The following ZSCAN31 variants were observed in gnomAD, a reference collection of about 807,000 sequenced individuals.
ZSCAN31 encodes zinc finger and SCAN domain-containing protein 31.
Under a neutral mutation model 22.5 loss-of-function variants are expected in ZSCAN31, and 14 were observed. That is an observed-to-expected ratio of 0.62 (90% CI 0.41 to 0.97). ZSCAN31 has a LOEUF of 0.97. Ranked by LOEUF, ZSCAN31 falls within the 50% of genes least tolerant of loss-of-function variation. The pLI, the probability that ZSCAN31 is intolerant of heterozygous loss-of-function variation, is 0.00. For synonymous variants in ZSCAN31, 168 were observed against 169.8 expected, an observed-to-expected ratio of 0.99 and a Z score of 0.08; for missense variants, 424 against 483.4, an observed-to-expected ratio of 0.88 and a Z score of 1.15.
In ZSCAN31 at chr6:28,329,455, G is replaced by A. The variant is rs748876533; in HGVS notation, c.229C>T (p.Gln77Ter). 3.1e-6 allele frequency: 5 copies of A among 1,614,192 alleles called. No homozygotes were observed. Among genetic ancestry groups the A allele is most frequent in the Non-Finnish European group, 4.2e-6 (5 of 1,180,040 alleles). ...WLRPEIHTKE[Q>*]ILELLVLEQF... is the part of the protein sequence containing the mutation. ...TCCAGCACCAGCAGCTCCAAGATTTGCTCTTTGGTGTGGATTTCTGGCCTT... is the reference window on the plus strand; with the variant it reads ...TCCAGCACCAGCAGCTCCAAGATTTACTCTTTGGTGTGGATTTCTGGCCTT... The change falls in exon 2 of 4, where the codon CAA (glutamine) becomes TAA (stop). Residue 77 changes from glutamine (Q) to a stop codon, truncating the protein, a stop_gained. Transcript: ENST00000344279. LOFTEE classifies it high-confidence loss of function.
chr6:28,339,518 C>T (rs1051301994), upstream of ZSCAN31, among the ~76,000 whole-genome samples: 1 of 152,158 alleles, frequency 6.6e-6, no homozygotes, highest in African/African-American at 2.4e-5. Flanking sequence ...AAACTCCTGA[C>T]CTCAGGTGAT....
chr6:28,343,213 T>C (rs900943195), intron 2 of ZSCAN31, among the ~76,000 whole-genome samples: 3 of 152,156 alleles, frequency 2.0e-5, no homozygotes, highest in Admixed American at 2.0e-4. Flanking sequence ...ATATTGATCA[T>C]TTGGGCTAGG....
At chr6:28,338,673 A>G (rs1483689109), upstream of ZSCAN31, among the ~76,000 whole-genome samples, 1 of 152,214 alleles carries the variant, frequency 6.6e-6, no homozygotes, top group African/African-American at 2.4e-5. Context: ...AACAAAAATC[A>G]GAAAAATAAC....
chr6:28,339,973 A>G (rs76651949), upstream of ZSCAN31, among the ~76,000 whole-genome samples: 1 of 77,288 alleles, frequency 1.3e-5, no homozygotes, highest in Non-Finnish European at 2.4e-5. Context: ...AAATTTTACA[A>G]GCATATGAAC....
chr6:28,326,063 T>C lies in ZSCAN31; in HGVS notation c.*103A>G. ...TCCAAGACGGCCCCATTTAGGGGTC[T>C]GAGGGTCCACAGAATTAGTCCAGTT... On this transcript the variant is annotated 3_prime_UTR_variant, in exon 4 of 4. Transcript: ENST00000344279. 9.0e-7 allele frequency: 1 copy of C among 1,115,542 alleles called. No individual in the cohort carries two copies. The highest frequency in any genetic ancestry group is 1.3e-6 in the Non-Finnish European group (1 of 781,736). The allele number at this position is 1,115,542 out of a possible 1,614,324, so 69.1% of individuals were successfully genotyped here.
At position 28,349,627 on chromosome 6, in the gene ZSCAN31, A is replaced by G. The variant is rs1008161106; in HGVS notation, c.-371+4235T>C. On this transcript the variant is annotated intron_variant, in intron 2 of 7. Transcript: ENST00000396838. The surrounding 1 kb of genome is among the most constrained non-coding windows in gnomAD (Gnocchi z 4.1). Reference sequence around the variant, plus strand: ...CTCACTCTTGTCCCCGTTTTCACTCAGTTTCTGACCGTTCACCTCTCGTAG... The same window carrying G: ...CTCACTCTTGTCCCCGTTTTCACTCGGTTTCTGACCGTTCACCTCTCGTAG... Among the ~76,000 whole-genome samples the G allele has an allele frequency of 6.6e-6, 1 of 152,182 alleles. No individual in the cohort carries two copies. The highest frequency in any genetic ancestry group is 1.5e-5 in the Non-Finnish European group (1 of 68,022).
In ZSCAN31 at chr6:28,325,616, C is replaced by G. The variant is rs1172357104; in HGVS notation, c.*550G>C. The G allele has an allele frequency of 2.0e-5, 3 of 151,520 alleles. No homozygotes were observed. The highest frequency in any genetic ancestry group is 2.9e-5 in the Non-Finnish European group (2 of 67,904). The allele number at this position is 151,520 out of a possible 1,614,324, so 9.4% of individuals were successfully genotyped here. The stretch of plus-strand genomic sequence containing the variant: ...ATTATAGAAGCTATCTATCACATTC[C>G]TAGGGGAGACCATAGCAATGATTTC... On this transcript the variant is annotated 3_prime_UTR_variant, in exon 4 of 4. Transcript: ENST00000344279.
chr6:28,338,025 C>CA (rs1764264193), upstream of ZSCAN31: 1 of 151,612 alleles, frequency 6.6e-6, no homozygotes, highest in Admixed American at 6.6e-5. Context: ...GCTTGAGTGA[C>CA]AGACTGAGAC....
rs1234064173 is a variant in ZSCAN31, at chr6:28,326,675, GTC to G, written c.710_711del (p.Arg237ThrfsTer6). ...TTCCCACATTCATTGCACCTGTGGC[GTC>G]TCTCTCCAGTGGAATGTGCCTGCTG... is the stretch of plus-strand genomic sequence containing the variant. ...EKQQAHSTGE[R>X]RHRCNECGKS... On this transcript the variant is annotated frameshift_variant, in exon 4 of 4. Coordinates refer to ENST00000344279, the MANE Select transcript of ZSCAN31 (RefSeq NM_030899.5). LOFTEE classifies it low-confidence loss of function (END_TRUNC). 1.2e-6 allele frequency: 2 copies of G among 1,614,052 alleles called. No homozygotes were observed. Among genetic ancestry groups the G allele is most frequent in the East Asian group, 2.2e-5 (1 of 44,896 alleles).
upstream of ZSCAN31, chr6:28,355,677 G>T: frequency 6.6e-6 from 1 of 152,308 alleles, no homozygotes; most frequent in Non-Finnish European, 1.5e-5. Flanking sequence ...TTCTAAATCT[G>T]CAAGAGAATC....
At chr6:28,344,762 G>A (rs1468080827) in intron 2 of ZSCAN31, among the ~76,000 whole-genome samples, 1 of 152,082 alleles carries the variant, frequency 6.6e-6, no homozygotes, top group Non-Finnish European at 1.5e-5. Context: ...AGTTATCTTT[G>A]TGGCTACAGG....
rs1445939146 is a variant in ZSCAN31 at position 28,349,816 on chromosome 6, A to G, written c.-371+4046T>C. The G allele has an allele frequency of 6.6e-6, 1 of 152,244 alleles. No individual in the cohort carries two copies. Among genetic ancestry groups the G allele is most frequent in the Non-Finnish European group, 1.5e-5 (1 of 68,042 alleles). 9.4% of individuals were successfully genotyped at this position (152,244 alleles called of 1,614,324 possible). On this transcript the variant is annotated intron_variant, in intron 2 of 7. Transcript: ENST00000396838. This position sits in a 1 kb window ranked among gnomAD's most constrained non-coding sequence, Gnocchi z 4.1. ...CCTTAGTTATAGCTGGAAAAATAAA[A>G]ATTTAAAAGCCTCTTTAATAGCAAA...
At chr6:28,334,817 T>G (rs750297309) in intron 1 of ZSCAN31, among the ~76,000 whole-genome samples, 55 of 152,276 alleles carry the variant, frequency 3.6e-4, no homozygotes, top group Admixed American at 2.1e-3. Context: ...AAACATGAAC[T>G]AGGTGTTAGG....
Position 28,329,516 on chromosome 6 carries a change from A to G in ZSCAN31, c.168T>C (p.Ala56=), listed in dbSNP as rs754475280. 1.2e-6 allele frequency: 2 copies of G among 1,614,158 alleles called. No homozygotes were observed. The highest frequency in any genetic ancestry group is 4.5e-5 in the East Asian group (2 of 44,866). The change falls in exon 2 of 4, where the codon GCT becomes GCC. Residue 56 remains alanine (A), a synonymous_variant. Transcript: ENST00000344279. ...CYQETPGPRE[A]LSRLRELCHQ... is the part of the protein sequence containing the mutation. ...GACAGAGTTCTCGGAGCCGGCTCAG[A>G]GCTTCTCGGGGACCAGGAGTCTCTT...
chr6:28,349,647 T>A lies in ZSCAN31; in HGVS notation c.-371+4215A>T, dbSNP rs1764837664. 6.6e-6 allele frequency among the ~76,000 whole-genome samples: 1 copy of A among 152,216 alleles called. No individual in the cohort carries two copies. Among genetic ancestry groups the A allele is most frequent in the Admixed American group, 6.5e-5 (1 of 15,284 alleles). On this transcript the variant is annotated intron_variant, in intron 2 of 7. Coordinates refer to the ZSCAN31 transcript ENST00000396838. The surrounding 1 kb of genome is among the most constrained non-coding windows in gnomAD (Gnocchi z 4.1). Reference sequence around the variant, plus strand: ...CACTCAGTTTCTGACCGTTCACCTCTCGTAGGTAACCACCATTATTAATTT... The same window carrying A: ...CACTCAGTTTCTGACCGTTCACCTCACGTAGGTAACCACCATTATTAATTT...
chr6:28,332,829 C>G (rs1193355396), intron 1 of ZSCAN31, among the ~76,000 whole-genome samples: 3 of 152,290 alleles, frequency 2.0e-5, no homozygotes, highest in Admixed American at 6.5e-5. Flanking sequence ...CCTGAACATC[C>G]CAACAACAGC....
At chr6:28,355,464 C>A (rs2113905834), upstream of ZSCAN31, 1 of 152,306 alleles carries the variant, frequency 6.6e-6, no homozygotes, top group Non-Finnish European at 1.5e-5. Context: ...AAGTTGGGAC[C>A]AAAAGTCTAC....
chr6:28,339,886 GTAAACACAT>G (rs1764345310), upstream of ZSCAN31, among the ~76,000 whole-genome samples: 2 of 150,566 alleles, frequency 1.3e-5, no homozygotes, highest in East Asian at 3.9e-4. Context: ...TATGAACCAT[GTAAACACAT>G]TGCTAGGTAT....
Position 28,331,930 on chromosome 6 carries a change from A to G in ZSCAN31, c.-95-2152T>C, listed in dbSNP as rs1386085154. Reference sequence around the variant, plus strand: ...CTTCTCCCCATAATTGGTGCTTAGGATTTACCTCCTGGTCTTATGCCACCA... The same window carrying G: ...CTTCTCCCCATAATTGGTGCTTAGGGTTTACCTCCTGGTCTTATGCCACCA... On this transcript the variant is annotated intron_variant, in intron 1 of 3. Coordinates refer to ENST00000344279, the MANE Select transcript of ZSCAN31 (RefSeq NM_030899.5). This position sits in a 1 kb window ranked among gnomAD's most constrained non-coding sequence, Gnocchi z 4.8. Among the ~76,000 whole-genome samples the G allele has an allele frequency of 6.6e-6, 1 of 152,042 alleles. No homozygotes were observed. Among genetic ancestry groups the G allele is most frequent in the Non-Finnish European group, 1.5e-5 (1 of 68,010 alleles).
Sources: gnomAD v4.1 joint callset for allele counts (sites outside exome capture counted in the v4.1 genomes callset) on GRCh38, gnomAD v4.1.1 for gene constraint, Gnocchi (gnomAD v3.1) non-coding constraint, MANE v1.5 for transcripts, NCBI Gene and HGNC (gene_info 2026-07-23, HGNC 2026-07-21) for gene names.